The following TSPAN18 variants were observed in gnomAD, a reference collection of about 807,000 sequenced individuals.
TSPAN18 encodes tetraspanin 18, also known as tetraspanin-18.
A neutral mutation model predicts 27.3 loss-of-function variants in TSPAN18; 14 were observed. That is an observed-to-expected ratio of 0.51 (90% CI 0.34 to 0.80). The LOEUF (loss-of-function observed/expected upper bound fraction) is 0.80. Ranked by LOEUF, TSPAN18 falls within the 30% of genes least tolerant of loss-of-function variation. The probability of loss-of-function intolerance (pLI) is 0.01; values close to 1 mark genes in which losing one functional copy is unlikely to be tolerated. For synonymous variants in TSPAN18, 143 were observed against 136.5 expected (o/e 1.05, Z -0.33); for missense variants, 268 against 323.9 (o/e 0.83, Z 1.32).
intron 2 of TSPAN18, among the ~76,000 whole-genome samples, chr11:44,845,117 G>C (rs1397156593): frequency 6.6e-6 from 1 of 152,218 alleles, no homozygotes; most frequent in Non-Finnish European, 1.5e-5. Context: ...AGTTATTAGA[G>C]AGGTAATGTC....
Position 44,772,466 on chromosome 11 carries a change from C to T in TSPAN18, c.-153+7954C>T, listed in dbSNP as rs187905510. On this transcript the variant is annotated intron_variant, in intron 2 of 9. Coordinates refer to ENST00000520358, the MANE Select transcript of TSPAN18 (RefSeq NM_130783.5). ...GTAACGGGTCAACAGTTCTTAATTA[C>T]GTTAATAGATATTTTGACAAAAGAG... Among the ~76,000 whole-genome samples, 237 of 152,134 alleles carry T rather than the reference C, an allele frequency of 1.6e-3. 2 individuals carry two copies. Among genetic ancestry groups the T allele is most frequent in the African/African-American group, 5.5e-3 (227 of 41,494 alleles).
At chr11:44,749,610 T>C (rs1177141445) in intron 1 of TSPAN18, among the ~76,000 whole-genome samples, 1 of 151,340 alleles carries the variant, frequency 6.6e-6, no homozygotes, top group African/African-American at 2.4e-5. Context: ...ACTTTACTTG[T>C]AGCCACAGAA....
chr11:44,748,140 G>C (rs1402403218), intron 1 of TSPAN18, among the ~76,000 whole-genome samples: 2 of 152,188 alleles, frequency 1.3e-5, no homozygotes, highest in Admixed American at 6.5e-5. Context: ...GGGCATGGTG[G>C]CTCACACCTG....
At chr11:44,817,042 G>A (rs1474670589) in intron 2 of TSPAN18, among the ~76,000 whole-genome samples, 1 of 152,238 alleles carries the variant, frequency 6.6e-6, no homozygotes, top group Non-Finnish European at 1.5e-5. Context: ...CTTGAATGAA[G>A]GCTTCCTCTC....
chr11:44,886,209 C>G (rs537820787), intron 3 of TSPAN18: 1 of 152,210 alleles, frequency 6.6e-6, no homozygotes, highest in African/African-American at 2.4e-5. Context: ...ATGCTGCACA[C>G]GAGCATTATT....
chr11:44,732,778 C>T (rs1379150117), intron 1 of TSPAN18, among the ~76,000 whole-genome samples: 4 of 152,186 alleles, frequency 2.6e-5, no homozygotes, highest in African/African-American at 9.7e-5. Flanking sequence ...CCCGATTCTG[C>T]AATTTACTGG....
At chr11:44,830,832 C>T (rs753170590) in intron 2 of TSPAN18, among the ~76,000 whole-genome samples, 1 of 152,218 alleles carries the variant, frequency 6.6e-6, no homozygotes, top group African/African-American at 2.4e-5. Flanking sequence ...ACTTACTTTT[C>T]AGCTAGCTCC....
intron 2 of TSPAN18, among the ~76,000 whole-genome samples, chr11:44,809,654 G>A (rs1466739215): frequency 2.7e-5 from 4 of 150,820 alleles, no homozygotes; most frequent in Non-Finnish European, 5.9e-5. Context: ...AGGTGTGATA[G>A]CTCTTCTGAA....
At chr11:44,845,156 G>A (rs1428117444) in intron 2 of TSPAN18, among the ~76,000 whole-genome samples, 1 of 152,208 alleles carries the variant, frequency 6.6e-6, no homozygotes, top group Non-Finnish European at 1.5e-5. Context: ...GACTCACCCA[G>A]AGCAGGGGGA....
intron 1 of TSPAN18, among the ~76,000 whole-genome samples, chr11:44,739,628 C>CA (rs1854882653): frequency 6.6e-6 from 1 of 151,952 alleles, no homozygotes. Flanking sequence ...GACTCCGTCT[C>CA]AAAAAGAAAA....
rs1326697261 is a variant in TSPAN18 at position 44,882,585 on chromosome 11, GAGAC to G, written c.-11+22118_-11+22121del. ...CCTCACCAGGAAATGGTCAGAGAGA[GAGAC>G]ACACACACACACACACACACACACA... is the stretch of plus-strand genomic sequence containing the variant. On this transcript the variant is annotated intron_variant, in intron 3 of 9. Coordinates refer to ENST00000520358, the MANE Select transcript of TSPAN18 (RefSeq NM_130783.5). 9.9e-4 allele frequency among the ~76,000 whole-genome samples: 92 copies of G among 92,548 alleles called. 2 individuals are homozygous for G. In the East Asian group the frequency reaches 0.021, roughly 21 times the overall value. The allele number at this position is 92,548 out of a possible 152,430, so 60.7% of individuals were successfully genotyped here. A position where few individuals can be genotyped will look rare whatever the true frequency, so the allele number is the denominator to read the frequency against.
intron 2 of TSPAN18, among the ~76,000 whole-genome samples, chr11:44,849,201 GA>G (rs1857546732): frequency 6.6e-6 from 1 of 152,152 alleles, no homozygotes; most frequent in Admixed American, 6.5e-5. Context: ...TCTCAGGTTT[GA>G]CTCCTGTTGG....
In TSPAN18 at chr11:44,930,321, C is replaced by T. The variant is rs1377015695; in HGVS notation, c.*1143C>T. 2.6e-5 allele frequency: 4 copies of T among 153,408 alleles called. No homozygotes were observed. Among genetic ancestry groups the T allele is most frequent in the African/African-American group, 9.6e-5 (4 of 41,452 alleles). 9.5% of individuals were successfully genotyped at this position (153,408 alleles called of 1,614,324 possible). A position where few individuals can be genotyped will look rare whatever the true frequency, so the allele number is the denominator to read the frequency against. ...AGAGCTTACTACCTCCCAAGGCAGC[C>T]TCCTGCCTTTGGACTGCTCTGACTT... On this transcript the variant is annotated 3_prime_UTR_variant, in exon 10 of 10. Transcript: ENST00000520358.
chr11:44,915,523 T>C (rs4755298), intron 5 of TSPAN18, among the ~76,000 whole-genome samples: 84,920 of 152,028 alleles, frequency 0.56, 24,182 homozygotes, highest in East Asian at 0.79. Flanking sequence ...TGGAGGTCAG[T>C]CCCTTCTTCA....
intron 2 of TSPAN18, among the ~76,000 whole-genome samples, chr11:44,846,984 T>G (rs539330567): frequency 5.5e-4 from 84 of 152,250 alleles, no homozygotes; most frequent in African/African-American, 2.0e-3. Context: ...CCTGTGCCTG[T>G]GGTATTCCCT....
intron 2 of TSPAN18, among the ~76,000 whole-genome samples, chr11:44,836,012 G>T (rs1857256596): frequency 6.6e-6 from 1 of 152,010 alleles, no homozygotes; most frequent in African/African-American, 2.4e-5. Flanking sequence ...CCCTCTCCTT[G>T]GGCCTTCCTA....
intron 1 of TSPAN18, among the ~76,000 whole-genome samples, chr11:44,762,403 G>T (rs1385436186): frequency 6.6e-6 from 1 of 152,318 alleles, no homozygotes; most frequent in Non-Finnish European, 1.5e-5. Flanking sequence ...CACTGCATGT[G>T]TGCTCACATA....
At chr11:44,908,174 T>C (rs1438716698) in intron 4 of TSPAN18, among the ~76,000 whole-genome samples, 1 of 151,926 alleles carries the variant, frequency 6.6e-6, no homozygotes, top group Non-Finnish European at 1.5e-5. Flanking sequence ...TTCAGGCCTC[T>C]CCACTGGACT....
At chr11:44,804,412 A>G (rs1028863292) in intron 2 of TSPAN18, among the ~76,000 whole-genome samples, 1 of 152,264 alleles carries the variant, frequency 6.6e-6, no homozygotes, top group African/African-American at 2.4e-5. Flanking sequence ...TGAGGGCCAC[A>G]GGCAGAGGCC....
Sources: gnomAD v4.1 joint callset for allele counts (sites outside exome capture counted in the v4.1 genomes callset) on GRCh38, gnomAD v4.1.1 for gene constraint, MANE v1.5 for transcripts, NCBI Gene and HGNC (gene_info 2026-07-23, HGNC 2026-07-21) for gene names.